ATM: variants seen among roughly 807,000 people sequenced by gnomAD.
ATM encodes serine-protein kinase ATM.
A neutral mutation model predicts 387.0 loss-of-function variants in ATM; 308 were observed. The ratio of observed to expected loss-of-function variants is 0.80; its 90% confidence interval spans 0.73 to 0.87. ATM has a LOEUF of 0.87. Ranked by LOEUF, ATM falls within the 40% of genes least tolerant of loss-of-function variation. The pLI is 0.00. For missense variants in ATM, 3,312 were observed against 3,560.9 expected (o/e 0.93, Z 1.78); for synonymous variants, 1,156 against 1,187.3 (o/e 0.97, Z 0.54).
chr11:108,309,003 C>G, intron 38 of ATM: 1 of 1,528,730 alleles, frequency 6.5e-7, no homozygotes, highest in African/African-American at 1.4e-5. Context: ...TTGACATTAG[C>G]AGGAGTTGGA....
At chr11:108,231,765 C>T (rs1026361944) in intron 4 of ATM, among the ~76,000 whole-genome samples, 1 of 149,318 alleles carries the variant, frequency 6.7e-6, no homozygotes, top group Non-Finnish European at 1.5e-5. Flanking sequence ...TAGAAGTATG[C>T]AGATTATTAG....
intron 48 of ATM, 47 bp from the exon 49 acceptor site, chr11:108,328,974 A>G (rs1417168108): frequency 1.3e-6 from 2 of 1,528,584 alleles, no homozygotes; most frequent in Non-Finnish European, 1.8e-6. Flanking sequence ...CTTTAGATGT[A>G]TTTAGTATTT....
At position 108,253,957 on chromosome 11, in the gene ATM, C is replaced by G. The variant is rs1060501585; in HGVS notation, c.2042C>G (p.Ser681Cys). 1 of 1,614,110 alleles carries G rather than the reference C, an allele frequency of 6.2e-7. No homozygotes were observed. Among genetic ancestry groups the G allele is most frequent in the South Asian group, 1.1e-5 (1 of 91,084 alleles). The part of the protein sequence containing the change: ...IEKHQSSIGF[S>C]VHQNLKESLD... ...AAGCACCAGTCCAGTATTGGCTTCT[C>G]TGTCCACCAGAATCTCAAGGAATCA... Residue 681 changes from serine (S) to cysteine (C), a missense_variant, in exon 13 of 63, where the codon TCT becomes TGT. By Grantham distance (112) the Ser-to-Cys change is moderately radical. Transcript: ENST00000675843.
At position 108,244,747 on chromosome 11, in the gene ATM, C is replaced by T. The variant is rs373124331; in HGVS notation, c.663-41C>T. On this transcript the variant is annotated intron_variant, in intron 6 of 62. Transcript: ENST00000675843. Reference sequence around the variant, plus strand: ...AACTGTTCAGTTTGTACAGTTTGTTCCCCCTGTTATACCCAGTTGAGCTTG... The same window carrying T: ...AACTGTTCAGTTTGTACAGTTTGTTTCCCCTGTTATACCCAGTTGAGCTTG... 6 of 1,451,972 alleles carry T rather than the reference C, an allele frequency of 4.1e-6. No homozygotes were observed. The Admixed American group carries it at 8.4e-5, about 20-fold the overall frequency. 89.9% of individuals were successfully genotyped at this position (1,451,972 alleles called of 1,614,324 possible). A position where few individuals can be genotyped will look rare whatever the true frequency, so the allele number is the denominator to read the frequency against.
Position 108,235,104 on chromosome 11 carries a change from C to T in ATM, c.332-566C>T, listed in dbSNP as rs2079199850. ...TTGAGGTCAGGAGTTCAAGACCAGCCTGGTCAACATGGTGAAACCCTGTCT... is the reference window on the plus strand; with the variant it reads ...TTGAGGTCAGGAGTTCAAGACCAGCTTGGTCAACATGGTGAAACCCTGTCT... On this transcript the variant is annotated intron_variant, in intron 4 of 62. Coordinates refer to ENST00000675843, the MANE Select transcript of ATM (RefSeq NM_000051.4). 5.3e-5 allele frequency among the ~76,000 whole-genome samples: 8 copies of T among 152,108 alleles called. No homozygotes were observed. In the South Asian group the frequency reaches 1.7e-3, roughly 32 times the overall value.
At position 108,267,281 on chromosome 11, in the gene ATM, C is replaced by G. The variant is rs730881286; in HGVS notation, c.2577C>G (p.Asn859Lys). Reference sequence around the variant, plus strand: ...ATCAGTCATCCATGAATCTATTTAACGATTACCCTGATAGTAGTGTTAGTG... The same window carrying G: ...ATCAGTCATCCATGAATCTATTTAAGGATTACCCTGATAGTAGTGTTAGTG... ...VEDQSSMNLFNDYPDSSVSDA... is the reference protein window; with the variant it reads ...VEDQSSMNLFKDYPDSSVSDA... The change falls in exon 17 of 63, where the codon AAC becomes AAG. Residue 859 changes from asparagine to lysine, a missense_variant. Physicochemically the swap from Asn to Lys is moderately conservative, Grantham distance 94. Coordinates refer to ENST00000675843, the MANE Select transcript of ATM (RefSeq NM_000051.4). The G allele has an allele frequency of 6.2e-7, 1 of 1,614,030 alleles. No homozygotes were observed. The highest frequency in any genetic ancestry group is 8.5e-7 in the Non-Finnish European group (1 of 1,179,956).
rs528511348 is a variant in ATM, at chr11:108,356,522, G to A, written c.8850+1648G>A. ...TTGCCCTCCAGCCTGGGCGACAAGA[G>A]CAAGACTCTGTCTGTCTTAAAAAAA... is the stretch of plus-strand genomic sequence containing the variant. On this transcript the variant is annotated intron_variant, in intron 61 of 62. Coordinates refer to ENST00000675843, the MANE Select transcript of ATM (RefSeq NM_000051.4). 1.0e-4 allele frequency among the ~76,000 whole-genome samples: 14 copies of A among 138,760 alleles called. No individual in the cohort carries two copies. The East Asian group carries it at 2.2e-3, about 22-fold the overall frequency. The allele number at this position is 138,760 out of a possible 152,430, so 91.0% of individuals were successfully genotyped here.
intron 8 of ATM, among the ~76,000 whole-genome samples, chr11:108,247,502 T>TA (rs1307888422): frequency 6.6e-6 from 1 of 152,204 alleles, no homozygotes; most frequent in Non-Finnish European, 1.5e-5. Context: ...TCACATAGCA[T>TA]AAAATTCACG....
intron 56 of ATM, among the ~76,000 whole-genome samples, chr11:108,339,382 A>G (rs227068): frequency 0.53 from 79,963 of 151,902 alleles, 21,858 homozygotes; most frequent in Middle Eastern, 0.73. Context: ...CAGAGCATCT[A>G]TCTCAGTCAT....
At chr11:108,286,759 C>T (rs535056427) in intron 26 of ATM, among the ~76,000 whole-genome samples, 1 of 152,100 alleles carries the variant, frequency 6.6e-6, no homozygotes, top group Non-Finnish European at 1.5e-5. Context: ...CCTTATTGCC[C>T]TGCCTCATTT....
intron 4 of ATM, among the ~76,000 whole-genome samples, chr11:108,232,973 C>T (rs1460891937): frequency 6.6e-6 from 1 of 152,166 alleles, no homozygotes; most frequent in Non-Finnish European, 1.5e-5. Context: ...AGCGATTCTC[C>T]CGCCTCAGCT....
intron 45 of ATM, among the ~76,000 whole-genome samples, chr11:108,324,143 G>T: frequency 6.6e-6 from 1 of 152,060 alleles, no homozygotes; most frequent in East Asian, 1.9e-4. Flanking sequence ...AGAGATTTAT[G>T]TATAACCTGT....
rs762334460 is a variant in ATM, at chr11:108,325,448, G to A, written c.6711G>A (p.Lys2237=). Residue 2237 remains lysine, a synonymous_variant, in exon 46 of 63, where the codon AAG becomes AAA. Coordinates refer to ENST00000675843, the MANE Select transcript of ATM (RefSeq NM_000051.4). ...TCATTTTGGAGATCCTGATGGAAAA[G>A]GAAATGGACAACTCACAAAGAGAAT... ...RTVILEILME[K]EMDNSQRECI... is the part of the protein sequence containing the mutation. The A allele has an allele frequency of 1.2e-6, 2 of 1,613,508 alleles. No homozygotes were observed. The highest frequency in any genetic ancestry group is 1.7e-6 in the Non-Finnish European group (2 of 1,179,872).
At chr11:108,342,451 T>C (rs1184707036) in intron 56 of ATM, among the ~76,000 whole-genome samples, 1 of 152,168 alleles carries the variant, frequency 6.6e-6, no homozygotes, top group African/African-American at 2.4e-5. Context: ...ACTTAATACT[T>C]ACAACTATTT....
At chr11:108,349,924 T>C (rs1033573153) in intron 59 of ATM, among the ~76,000 whole-genome samples, 2 of 152,090 alleles carry the variant, frequency 1.3e-5, no homozygotes, top group African/African-American at 4.8e-5. Flanking sequence ...GAAGGAAAAG[T>C]GATGCCAATA....
In ATM at chr11:108,368,726, A is replaced by T. The variant is rs2091456333; in HGVS notation, c.*3218A>T. 4.7e-6 allele frequency: 1 copy of T among 214,860 alleles called. No individual in the cohort carries two copies. The highest frequency in any genetic ancestry group is 2.3e-5 in the African/African-American group (1 of 44,376). 13.3% of individuals were successfully genotyped at this position (214,860 alleles called of 1,614,324 possible). On this transcript the variant is annotated 3_prime_UTR_variant, in exon 63 of 63. Transcript: ENST00000675843. ...AGTTGTGTCCAGATTAAGGGAGATA[A>T]TAGCTTTCCCACCCTACTTTGTGCA...
chr11:108,303,649 C>T (rs949210330), intron 36 of ATM, among the ~76,000 whole-genome samples: 8 of 152,090 alleles, frequency 5.3e-5, no homozygotes, highest in South Asian at 4.1e-4. Context: ...GAAGTATTTT[C>T]GTAATGTACT....
At chr11:108,313,943 G>A (rs1281294404) in intron 40 of ATM, among the ~76,000 whole-genome samples, 1 of 151,578 alleles carries the variant, frequency 6.6e-6, no homozygotes, top group Non-Finnish European at 1.5e-5. Context: ...TATCTTTTCT[G>A]TGTAAATTTT....
intron 22 of ATM, among the ~76,000 whole-genome samples, chr11:108,273,287 T>C (rs2135577567): frequency 1.3e-5 from 2 of 151,648 alleles, no homozygotes; most frequent in African/African-American, 4.8e-5. Flanking sequence ...ATCATGAGGA[T>C]CTTTTATATT....
Sources: allele counts gnomAD v4.1 joint callset (sites outside exome capture counted in the v4.1 genomes callset), GRCh38; gene constraint gnomAD v4.1.1; transcripts MANE v1.5; gene names NCBI Gene and HGNC (gene_info 2026-07-23, HGNC 2026-07-21).